SUGCT: variants seen among roughly 807,000 people sequenced by gnomAD.
SUGCT encodes succinyl-CoA:glutarate CoA-transferase.
Under a neutral mutation model 55.0 loss-of-function variants are expected in SUGCT, and 41 were observed. The ratio of observed to expected loss-of-function variants is 0.74; its 90% CI spans 0.58 to 0.97. The LOEUF (loss-of-function observed/expected upper bound fraction) is 0.97, where lower values mean the gene tolerates loss of function less well. SUGCT is among the 50% of genes least tolerant of loss of function. SUGCT has a pLI of 0.00. For missense variants in SUGCT, 568 were observed against 547.8 expected, an observed-to-expected ratio of 1.04 and a Z score of -0.37; for synonymous variants, 187 against 200.4, an observed-to-expected ratio of 0.93 and a Z score of 0.56.
At position 40,492,972 on chromosome 7, in the gene SUGCT, A is replaced by G. The variant is rs571343966; in HGVS notation, c.987-3312A>G. 1.1e-4 allele frequency among the ~76,000 whole-genome samples: 16 copies of G among 152,328 alleles called. No individual in the cohort carries two copies. The South Asian group carries it at 2.5e-3, about 24-fold the overall frequency. ...AAGCATCGGGAATGAATGTGTATCA[A>G]TGTAATAATATATACTGAGGTATAT... On this transcript the variant is annotated intron_variant, in intron 11 of 13. Transcript: ENST00000335693.
At chr7:40,822,572 G>T (rs1055279262) in intron 13 of SUGCT, among the ~76,000 whole-genome samples, 7 of 151,772 alleles carry the variant, frequency 4.6e-5, no homozygotes, top group African/African-American at 1.2e-4. Context: ...GGGTAACATT[G>T]TCTTTTAAGA....
chr7:41,026,549 A>C, the SUGCT span, among the ~76,000 whole-genome samples: 1 of 152,238 alleles, frequency 6.6e-6, no homozygotes, highest in Non-Finnish European at 1.5e-5. Flanking sequence ...TAATGCAACA[A>C]CTTAAAGTAA....
the SUGCT span, among the ~76,000 whole-genome samples, chr7:40,912,780 A>C: frequency 6.6e-6 from 1 of 151,910 alleles, no homozygotes; most frequent in African/African-American, 2.4e-5. Flanking sequence ...CCAAAAAAAA[A>C]AAAAAAAAAA....
chr7:40,709,143 C>G (rs191791589), intron 12 of SUGCT, among the ~76,000 whole-genome samples: 4 of 152,308 alleles, frequency 2.6e-5, no homozygotes, highest in Non-Finnish European at 1.5e-5. Context: ...ATGTGATCCA[C>G]CAGTTTTCAA....
At chr7:40,827,709 G>A (rs943854190) in intron 13 of SUGCT, among the ~76,000 whole-genome samples, 11 of 152,086 alleles carry the variant, frequency 7.2e-5, no homozygotes, top group African/African-American at 2.7e-4. Flanking sequence ...TCTGCAACTC[G>A]TTTGCCCATT....
At chr7:40,445,758 A>AT (rs1023362028) in intron 9 of SUGCT, among the ~76,000 whole-genome samples, 9 of 152,162 alleles carry the variant, frequency 5.9e-5, no homozygotes, top group African/African-American at 2.2e-4. Flanking sequence ...ATAACATATT[A>AT]TTTTTTAAAG....
chr7:40,976,221 A>T, the SUGCT span, among the ~76,000 whole-genome samples: 3 of 152,142 alleles, frequency 2.0e-5, no homozygotes, highest in Non-Finnish European at 4.4e-5. Context: ...GATTTTTCCA[A>T]TATCACCTCC....
intron 12 of SUGCT, among the ~76,000 whole-genome samples, chr7:40,716,683 G>A (rs1037092488): frequency 4.0e-5 from 6 of 151,668 alleles, no homozygotes; most frequent in African/African-American, 1.2e-4. Context: ...TAAGGTAAGC[G>A]TTTATCACAG....
chr7:40,160,230 T>G (rs1193534684), intron 1 of SUGCT, among the ~76,000 whole-genome samples: 2 of 152,090 alleles, frequency 1.3e-5, no homozygotes, highest in African/African-American at 4.8e-5. Flanking sequence ...CATAAAATAA[T>G]TTTTTTCTTT....
intron 12 of SUGCT, among the ~76,000 whole-genome samples, chr7:40,601,660 G>A (rs941159730): frequency 2.6e-5 from 4 of 152,022 alleles, no homozygotes; most frequent in Admixed American, 2.0e-4. Context: ...CCAACATGCG[G>A]CCTGCAGACA....
At chr7:40,620,232 A>G (rs1186546209) in intron 12 of SUGCT, among the ~76,000 whole-genome samples, 2 of 152,226 alleles carry the variant, frequency 1.3e-5, no homozygotes, top group East Asian at 1.9e-4. Flanking sequence ...GGACTCTCCT[A>G]TCACCCCAAA....
At chr7:40,255,096 A>G (rs983780737) in intron 7 of SUGCT, among the ~76,000 whole-genome samples, 3 of 151,140 alleles carry the variant, frequency 2.0e-5, no homozygotes, top group African/African-American at 7.3e-5. Context: ...GCGTGGTGGC[A>G]GTCACCTGTA....
chr7:40,812,017 A>G (rs1403441183), intron 13 of SUGCT, among the ~76,000 whole-genome samples: 1 of 151,982 alleles, frequency 6.6e-6, no homozygotes, highest in African/African-American at 2.4e-5. Context: ...TGGAGATCAT[A>G]TGGTTTTTGG....
chr7:40,606,862 A>G (rs1311804898), intron 12 of SUGCT, among the ~76,000 whole-genome samples: 2 of 152,198 alleles, frequency 1.3e-5, no homozygotes, highest in Non-Finnish European at 2.9e-5. Context: ...TCAGAGATTG[A>G]GTCCTTTTTG....
chr7:40,988,957 T>C, the SUGCT span, among the ~76,000 whole-genome samples: 1 of 152,104 alleles, frequency 6.6e-6, no homozygotes, highest in Non-Finnish European at 1.5e-5. Flanking sequence ...GACACAACAA[T>C]ACAGCAAATA....
At chr7:40,740,940 T>C (rs1292926813) in intron 12 of SUGCT, among the ~76,000 whole-genome samples, 1 of 152,174 alleles carries the variant, frequency 6.6e-6, no homozygotes, top group East Asian at 1.9e-4. Context: ...TTCCAGTATT[T>C]TCATGTACCA....
chr7:40,949,891 A>C, the SUGCT span, among the ~76,000 whole-genome samples: 1 of 152,190 alleles, frequency 6.6e-6, no homozygotes, highest in Non-Finnish European at 1.5e-5. Flanking sequence ...AGGTAGCATG[A>C]TGCCTCTAGC....
chr7:40,800,265 G>C (rs1356630407), intron 13 of SUGCT, among the ~76,000 whole-genome samples: 1 of 150,924 alleles, frequency 6.6e-6, no homozygotes, highest in East Asian at 1.9e-4. Context: ...TGGGGGCAGG[G>C]TTGGGGTGTC....
At chr7:40,237,527 C>T (rs1407963590) in intron 6 of SUGCT, 108 bp from the exon 7 acceptor site, 17 of 862,406 alleles carry the variant, frequency 2.0e-5, no homozygotes, top group East Asian at 7.4e-5. Flanking sequence ...CTAATAGTCT[C>T]GAAATGCTGC....
Sources: gnomAD v4.1 joint callset for allele counts (sites outside exome capture counted in the v4.1 genomes callset) on GRCh38, gnomAD v4.1.1 for gene constraint, MANE v1.5 for transcripts, NCBI Gene and HGNC (gene_info 2026-07-23, HGNC 2026-07-21) for gene names.